Variants in MAP3K13 observed in about 807,000 individuals in gnomAD.
MAP3K13 encodes the protein mitogen-activated protein kinase kinase kinase 13.
In MAP3K13, 52 loss-of-function variants were observed where a neutral mutation model predicts 104.0. The observed-to-expected ratio is 0.50, with a 90% CI of 0.40 to 0.63. MAP3K13 has a LOEUF of 0.63. Ranked by LOEUF, MAP3K13 falls within the 20% of genes least tolerant of loss-of-function variation. The pLI is 0.00. For missense variants in MAP3K13, 914 were observed against 1,218.5 expected, an observed-to-expected ratio of 0.75 and a Z score of 3.72; for synonymous variants, 394 against 442.2, an observed-to-expected ratio of 0.89 and a Z score of 1.37.
At chr3:185,408,932 A>T (rs1416023928) in intron 1 of MAP3K13, among the ~76,000 whole-genome samples, 1 of 152,200 alleles carries the variant, frequency 6.6e-6, no homozygotes, top group Non-Finnish European at 1.5e-5. Flanking sequence ...TCACTACCAC[A>T]TTGGGCATCA....
At chr3:185,309,180 C>G (rs1450193732) in intron 2 of MAP3K13, among the ~76,000 whole-genome samples, 1 of 152,054 alleles carries the variant, frequency 6.6e-6, no homozygotes, top group African/African-American at 2.4e-5. Context: ...TTTAGGGGTA[C>G]ATAACTGAAC....
chr3:185,407,020 A>G (rs544960763), intron 1 of MAP3K13, among the ~76,000 whole-genome samples: 7 of 152,196 alleles, frequency 4.6e-5, no homozygotes, highest in Non-Finnish European at 1.0e-4. Context: ...TTAAAATTTT[A>G]TATTAAAAGC....
Position 185,443,364 on chromosome 3 carries a change from G to T in MAP3K13, c.660-81G>T, listed in dbSNP as rs1223564110. On this transcript the variant is annotated intron_variant, in intron 3 of 13. Transcript: ENST00000265026. ...TTAAAATAATTCGGGTATAGAATTG[G>T]TTTTTATTAAATATTCTTTAAATAT... 3 of 969,924 alleles carry T rather than the reference G, an allele frequency of 3.1e-6. No individual in the cohort carries two copies. In the African/African-American group the frequency reaches 4.9e-5, roughly 16 times the overall value. The allele number at this position is 969,924 out of a possible 1,614,324, so 60.1% of individuals were successfully genotyped here.
At chr3:185,474,301 G>A (rs1436022142) in intron 11 of MAP3K13, among the ~76,000 whole-genome samples, 4 of 152,176 alleles carry the variant, frequency 2.6e-5, no homozygotes, top group Admixed American at 2.0e-4. Context: ...ACTCCAGCCT[G>A]GGTGGCAGAG....
rs1474472101 is a variant in MAP3K13 at position 185,449,898 on chromosome 3, A to G, written c.1011-2A>G. ...CTGTCCATGTTCCCGGCGCTACTGT[A>G]GGTCTTTTGGAGTGGTGCTTTGGGA... On this transcript the variant is annotated splice_acceptor_variant, in intron 5 of 13. Coordinates refer to ENST00000265026, the MANE Select transcript of MAP3K13 (RefSeq NM_004721.5). LOFTEE classifies it high-confidence loss of function. 1 of 1,604,016 alleles carries G rather than the reference A, an allele frequency of 6.2e-7. No individual in the cohort carries two copies. Among genetic ancestry groups the G allele is most frequent in the Non-Finnish European group, 8.5e-7 (1 of 1,176,284 alleles).
chr3:185,456,466 G>A (rs1468005969), intron 7 of MAP3K13, among the ~76,000 whole-genome samples: 1 of 152,030 alleles, frequency 6.6e-6, no homozygotes, highest in Non-Finnish European at 1.5e-5. Context: ...GGCACTGGAT[G>A]AGAAATCTTT....
chr3:185,375,819 A>C (rs1724399951), intron 1 of MAP3K13, among the ~76,000 whole-genome samples: 1 of 152,204 alleles, frequency 6.6e-6, no homozygotes, highest in East Asian at 1.9e-4. Context: ...TTAATGATGG[A>C]GGACCCTTGC....
At chr3:185,397,942 G>A (rs1282595672) in intron 1 of MAP3K13, among the ~76,000 whole-genome samples, 1 of 152,068 alleles carries the variant, frequency 6.6e-6, no homozygotes, top group African/African-American at 2.4e-5. Flanking sequence ...CTCCTGGAAG[G>A]GCTGCACATA....
intron 1 of MAP3K13, among the ~76,000 whole-genome samples, chr3:185,369,065 G>A (rs1001191467): frequency 6.6e-6 from 1 of 151,938 alleles, no homozygotes; most frequent in Non-Finnish European, 1.5e-5. Flanking sequence ...TGAGTTCTAA[G>A]TATTAGGTAC....
At chr3:185,392,221 A>G (rs1036555469) in intron 1 of MAP3K13, among the ~76,000 whole-genome samples, 3 of 152,216 alleles carry the variant, frequency 2.0e-5, no homozygotes, top group Non-Finnish European at 4.4e-5. Flanking sequence ...TCAGGATTCA[A>G]ACCTGAACAT....
At chr3:185,477,888 G>C (rs996488140) in intron 12 of MAP3K13, among the ~76,000 whole-genome samples, 2 of 152,188 alleles carry the variant, frequency 1.3e-5, no homozygotes, top group African/African-American at 4.8e-5. Flanking sequence ...CCTTCTTGCT[G>C]TTTCCTCACA....
intron 5 of MAP3K13, among the ~76,000 whole-genome samples, chr3:185,449,545 A>T (rs552781849): frequency 6.6e-6 from 1 of 152,196 alleles, no homozygotes; most frequent in South Asian, 2.1e-4. Context: ...TGTTCCAACA[A>T]CATTTATTAA....
intron 4 of MAP3K13, among the ~76,000 whole-genome samples, chr3:185,445,640 A>G (rs181925766): frequency 1.3e-5 from 2 of 152,286 alleles, no homozygotes; most frequent in Admixed American, 6.5e-5. Flanking sequence ...TCTATTAGCA[A>G]TAACACTCCC....
At chr3:185,301,890 T>G (rs1236077710) in intron 2 of MAP3K13, among the ~76,000 whole-genome samples, 1 of 152,244 alleles carries the variant, frequency 6.6e-6, no homozygotes, top group Non-Finnish European at 1.5e-5. Flanking sequence ...TATGTTGAAG[T>G]CAGGAAGTTT....
chr3:185,448,564 C>A (rs1715715217), intron 5 of MAP3K13, among the ~76,000 whole-genome samples: 1 of 152,022 alleles, frequency 6.6e-6, no homozygotes, highest in African/African-American at 2.4e-5. Context: ...GGCTTAAAAC[C>A]AAAATAATAG....
intron 11 of MAP3K13, among the ~76,000 whole-genome samples, chr3:185,475,606 C>G (rs1718076234): frequency 1.3e-5 from 2 of 150,402 alleles, no homozygotes; most frequent in South Asian, 4.4e-4. Context: ...AATCCCAGCA[C>G]TTTGGGAGGC....
chr3:185,401,577 C>T (rs1006695677), intron 1 of MAP3K13, among the ~76,000 whole-genome samples: 5 of 152,216 alleles, frequency 3.3e-5, no homozygotes, highest in Non-Finnish European at 2.9e-5. Flanking sequence ...CCACCACTCC[C>T]TATTTACTTC....
intron 2 of MAP3K13, among the ~76,000 whole-genome samples, chr3:185,295,752 A>C (rs934264929): frequency 1.3e-5 from 2 of 152,202 alleles, no homozygotes; most frequent in Non-Finnish European, 2.9e-5. Flanking sequence ...ATTTATTAAT[A>C]ATCTTACAAG....
intron 1 of MAP3K13, among the ~76,000 whole-genome samples, chr3:185,382,725 C>A (rs1343825585): frequency 6.6e-6 from 1 of 152,066 alleles, no homozygotes; most frequent in Non-Finnish European, 1.5e-5. Flanking sequence ...CTGGTACCGG[C>A]CGGGCGCGGT....
Sources: allele counts gnomAD v4.1 joint callset (sites outside exome capture counted in the v4.1 genomes callset), GRCh38; gene constraint gnomAD v4.1.1; transcripts MANE v1.5; gene names NCBI Gene and HGNC (gene_info 2026-07-23, HGNC 2026-07-21).